SFXN1: variants seen among roughly 807,000 people sequenced by gnomAD.
The protein encoded by SFXN1 is sideroflexin 1.
In SFXN1, 32 loss-of-function variants were observed where a neutral mutation model predicts 39.5. The observed-to-expected ratio is 0.81, with a 90% confidence interval of 0.61 to 1.09. SFXN1 has a LOEUF of 1.09. Ranked by LOEUF, SFXN1 falls within the 50% of genes least tolerant of loss-of-function variation. SFXN1 has a pLI of 0.00. For synonymous variants in SFXN1, 136 were observed against 146.5 expected (o/e 0.93, Z 0.52); for missense variants, 402 against 407.1 (o/e 0.99, Z 0.11).
chr5:175,516,525 C>T (rs975302259), intron 7 of SFXN1, 89 bp from the exon 8 acceptor site: 2 of 1,174,332 alleles, frequency 1.7e-6, no homozygotes, highest in African/African-American at 3.1e-5. Flanking sequence ...CTAAAAGTGA[C>T]AGAAGCTTTC....
At position 175,516,709 on chromosome 5, in the gene SFXN1, T is replaced by C. The variant is rs1359434305; in HGVS notation, c.774+46T>C. On this transcript the variant is annotated intron_variant, in intron 8 of 10. Coordinates refer to ENST00000321442, the MANE Select transcript of SFXN1 (RefSeq NM_022754.7). ...CATTTTCTCAACCCTTTTTATTTCT[T>C]TTCAGATTTCAAACCGTATAGATTA... 6 of 1,585,726 alleles carry C rather than the reference T, an allele frequency of 3.8e-6. 1 individual carries two copies. The highest frequency in any genetic ancestry group is 5.2e-6 in the Non-Finnish European group (6 of 1,157,594).
At chr5:175,524,128 ATATATATATATATATATATAT>A (rs1760983555) in intron 10 of SFXN1, 9 of 18,430 alleles carry the variant, frequency 4.9e-4, no homozygotes, top group East Asian at 1.7e-3. Context: ...AAAAAAAAAT[ATATATATATATATATATATAT>A]ATATATATAT....
intron 2 of SFXN1, among the ~76,000 whole-genome samples, chr5:175,504,408 C>G (rs2113315067): frequency 6.7e-6 from 1 of 150,324 alleles, no homozygotes; most frequent in East Asian, 2.0e-4. Flanking sequence ...AACCCCGTCT[C>G]TACTACAAAC....
chr5:175,513,567 T>G lies in SFXN1; in HGVS notation c.701T>G (p.Ile234Ser). ...QAITQVVVSR[I>S]LMAAPGMAIP... Reference sequence around the variant, plus strand: ...ATCACGCAAGTTGTCGTGTCCAGGATTCTCATGGCAGCCCCTGGCATGGGT... The same window carrying G: ...ATCACGCAAGTTGTCGTGTCCAGGAGTCTCATGGCAGCCCCTGGCATGGGT... The change falls in exon 7 of 11, where the codon ATT (isoleucine) becomes AGT (serine). Residue 234 changes from isoleucine (I) to serine (S), a missense_variant. Ile to Ser is a moderately radical substitution (Grantham distance 142). Transcript: ENST00000321442. 1 of 1,613,572 alleles carries G rather than the reference T, an allele frequency of 6.2e-7. No homozygotes were observed. The highest frequency in any genetic ancestry group is 8.5e-7 in the Non-Finnish European group (1 of 1,179,764).
At chr5:175,511,022 A>G (rs551358440) in intron 4 of SFXN1, among the ~76,000 whole-genome samples, 91 of 152,330 alleles carry the variant, frequency 6.0e-4, no homozygotes, top group Non-Finnish European at 1.0e-3. Context: ...TTTAAATGGC[A>G]GCACTTCATT....
intron 2 of SFXN1, among the ~76,000 whole-genome samples, chr5:175,503,117 A>T (rs1172433344): frequency 6.6e-6 from 1 of 152,194 alleles, no homozygotes; most frequent in Non-Finnish European, 1.5e-5. Flanking sequence ...ACTGTTGGAG[A>T]CATGGAAATA....
chr5:175,522,387 T>G lies in SFXN1; in HGVS notation c.837T>G (p.Ala279=). ...VGLVGFCLVF[A]TPLCCALFPQ... ...TATTTTTTTTAAGTTTGGTGTTTGCTACACCCCTGTGTTGTGCCCTGTTTC... is the reference window on the plus strand; with the variant it reads ...TATTTTTTTTAAGTTTGGTGTTTGCGACACCCCTGTGTTGTGCCCTGTTTC... The change falls in exon 10 of 11, where the codon GCT becomes GCG. Residue 279 remains alanine, a synonymous_variant. Transcript: ENST00000321442. The G allele has an allele frequency of 6.2e-7, 1 of 1,600,104 alleles. No individual in the cohort carries two copies. The highest frequency in any genetic ancestry group is 8.5e-7 in the Non-Finnish European group (1 of 1,176,914).
At chr5:175,501,062 G>GTTTTT (rs1760058949) in intron 2 of SFXN1, among the ~76,000 whole-genome samples, 1 of 128,666 alleles carries the variant, frequency 7.8e-6, no homozygotes, top group African/African-American at 3.4e-5. Context: ...TATGGGCAAA[G>GTTTTT]ATTTTTTTTT....
In SFXN1 at chr5:175,505,515, C is replaced by T. The variant is rs1038108202; in HGVS notation, c.165-3517C>T. On this transcript the variant is annotated intron_variant, in intron 2 of 10. Coordinates refer to ENST00000321442, the MANE Select transcript of SFXN1 (RefSeq NM_022754.7). The stretch of plus-strand genomic sequence containing the variant: ...TCACGCCATTGCATTCCAGCCTGGG[C>T]GACAAGAGTGCAACTCCATCACAAT... 2.9e-5 allele frequency among the ~76,000 whole-genome samples: 4 copies of T among 140,220 alleles called. No homozygotes were observed. The East Asian group carries it at 6.1e-4, about 21-fold the overall frequency. 92.0% of individuals were successfully genotyped at this position (140,220 alleles called of 152,430 possible). A position where few individuals can be genotyped will look rare whatever the true frequency, so the allele number is the denominator to read the frequency against.
At position 175,529,200 on chromosome 5, in the gene SFXN1, T is replaced by G. The variant is rs1417088094; in HGVS notation, c.*2466T>G. ...AAAAATACAAAAAATTAGCCAGGCATGGAGGCACATGCCTATAATCCCAGC... is the reference window on the plus strand; with the variant it reads ...AAAAATACAAAAAATTAGCCAGGCAGGGAGGCACATGCCTATAATCCCAGC... On this transcript the variant is annotated 3_prime_UTR_variant, in exon 11 of 11. Transcript: ENST00000321442. The G allele has an allele frequency of 6.6e-6, 1 of 152,154 alleles. No homozygotes were observed. The highest frequency in any genetic ancestry group is 1.9e-4 in the East Asian group (1 of 5,186). The allele number at this position is 152,154 out of a possible 1,614,324, so 9.4% of individuals were successfully genotyped here. A position where few individuals can be genotyped will look rare whatever the true frequency, so the allele number is the denominator to read the frequency against.
Position 175,522,070 on chromosome 5 carries a change from G to A in SFXN1, c.824+102G>A, listed in dbSNP as rs909638160. On this transcript the variant is annotated intron_variant, in intron 9 of 10. Transcript: ENST00000321442. ...TATGGGATACAAATTTTGAAAATGA[G>A]GCCATCTCAGAACATCTGGAATGCA... 4.2e-6 allele frequency: 4 copies of A among 956,502 alleles called. 1 individual carries two copies. Among genetic ancestry groups the A allele is most frequent in the Non-Finnish European group, 6.2e-6 (4 of 642,606 alleles). 59.3% of individuals were successfully genotyped at this position (956,502 alleles called of 1,614,324 possible).
chr5:175,522,613 G>T, intron 10 of SFXN1, 191 bp downstream of exon 10: 1 of 510,800 alleles, frequency 2.0e-6, no homozygotes. Flanking sequence ...GATGCACCCA[G>T]CTCTTTTCTA....
chr5:175,503,378 AAATCCAAAGTAAAACACC>A (rs1760155650), intron 2 of SFXN1, among the ~76,000 whole-genome samples: 2 of 152,220 alleles, frequency 1.3e-5, no homozygotes, highest in South Asian at 4.1e-4. Flanking sequence ...GATAATGCAA[AAATCCAAAGTAAAACACC>A]AACACATAGC....
chr5:175,521,618 A>G (rs1760881533), intron 8 of SFXN1, among the ~76,000 whole-genome samples: 1 of 152,224 alleles, frequency 6.6e-6, no homozygotes, highest in African/African-American at 2.4e-5. Flanking sequence ...GGGATTCATT[A>G]CAATTAAATG....
At chr5:175,502,667 A>G (rs1171801970) in intron 2 of SFXN1, among the ~76,000 whole-genome samples, 2 of 151,996 alleles carry the variant, frequency 1.3e-5, no homozygotes, top group African/African-American at 4.8e-5. Flanking sequence ...TGGAGAAACC[A>G]TGTCTCTACT....
chr5:175,491,119 C>A (rs1202215017), intron 1 of SFXN1, among the ~76,000 whole-genome samples: 1 of 152,146 alleles, frequency 6.6e-6, no homozygotes, highest in African/African-American at 2.4e-5. Context: ...AAATTAATTA[C>A]TTTTGGAAAA....
chr5:175,512,032 T>C, intron 5 of SFXN1, 79 bp from the exon 6 acceptor site: 1 of 1,351,822 alleles, frequency 7.4e-7, no homozygotes, highest in Non-Finnish European at 1.0e-6. Flanking sequence ...TTTTCAGAGT[T>C]TTCAAGAAGA....
intron 2 of SFXN1, among the ~76,000 whole-genome samples, chr5:175,498,217 G>A (rs1227597166): frequency 6.6e-6 from 1 of 152,146 alleles, no homozygotes; most frequent in Non-Finnish European, 1.5e-5. Flanking sequence ...GACAATGAAT[G>A]AACTGAGAAC....
At chr5:175,501,359 C>T (rs548994343) in intron 2 of SFXN1, among the ~76,000 whole-genome samples, 5 of 152,190 alleles carry the variant, frequency 3.3e-5, no homozygotes, top group South Asian at 2.1e-4. Context: ...GGAGCCACCG[C>T]GCCCGGCAGT....
Sources: gnomAD v4.1 joint callset for allele counts (sites outside exome capture counted in the v4.1 genomes callset) on GRCh38, gnomAD v4.1.1 for gene constraint, MANE v1.5 for transcripts, NCBI Gene and HGNC (gene_info 2026-07-23, HGNC 2026-07-21) for gene names.